Variants in POF1B observed in about 807,000 individuals in gnomAD.
POF1B encodes protein POF1B.
Under a neutral mutation model 55.3 loss-of-function variants are expected in POF1B, and 53 were observed. The ratio of observed to expected loss-of-function variants is 0.96; its 90% CI spans 0.77 to 1.20. The LOEUF is 1.20. Among genes scored for constraint, POF1B ranks in the 50% most tolerant of loss-of-function variants. The pLI is 0.00. For missense variants in POF1B, 478 were observed against 420.5 expected (o/e 1.14, Z -1.20); for synonymous variants, 188 against 148.3 (o/e 1.27, Z -1.95).
chrX:85,300,224 G>A (rs932350276), intron 15 of POF1B, among the ~76,000 whole-genome samples: 4 of 111,573 alleles, frequency 3.6e-5, no homozygotes, highest in African/African-American at 6.5e-5. Context: ...AAGGCTGTAC[G>A]CATGTGAAGG....
chrX:85,366,472 T>C (rs1933724906), intron 3 of POF1B, among the ~76,000 whole-genome samples: 1 of 111,692 alleles, frequency 9.0e-6, no homozygotes, highest in Admixed American at 9.5e-5. Context: ...TTTTTAATAG[T>C]TCTAAAATTT....
chrX:85,358,790 A>G (rs886679600), intron 4 of POF1B, among the ~76,000 whole-genome samples: 2 of 111,219 alleles, frequency 1.8e-5, no homozygotes, highest in Admixed American at 9.6e-5. Flanking sequence ...TTGTAATTAA[A>G]CTAGAATCTT....
At chrX:85,309,220 T>C (rs189430578) in intron 9 of POF1B, among the ~76,000 whole-genome samples, 40 of 109,727 alleles carry the variant, frequency 3.6e-4, no homozygotes, top group African/African-American at 1.3e-3. Context: ...GTACACCAAG[T>C]TACCAATGGG....
At chrX:85,290,747 T>C (rs1479933155) in intron 15 of POF1B, among the ~76,000 whole-genome samples, 1 of 112,228 alleles carries the variant, frequency 8.9e-6, no homozygotes. Flanking sequence ...TGCTTGTATG[T>C]CTTCATTTGA....
chrX:85,369,200 A>G (rs1347185504), intron 2 of POF1B, among the ~76,000 whole-genome samples: 1 of 111,729 alleles, frequency 9.0e-6, no homozygotes, highest in East Asian at 2.8e-4. Context: ...AATAATTGAG[A>G]AGACTTGCTC....
rs1932766087 is a variant in POF1B at position 85,314,514 on chromosome X, A to T, written c.883-8T>A. On this transcript the variant is annotated splice_region_variant and splice_polypyrimidine_tract_variant and intron_variant, in intron 8 of 16. Coordinates refer to ENST00000262753, the MANE Select transcript of POF1B (RefSeq NM_024921.4). ...TGATTCAATGTCTTCCGACTGTAAG[A>T]AAAAAAGGCTTATCCATGGAACAGA... 8.6e-7 allele frequency: 1 copy of T among 1,166,559 alleles called. No individual in the cohort carries two copies. The highest frequency in any genetic ancestry group is 3.1e-5 in the East Asian group (1 of 32,342).
At chrX:85,347,503 C>T (rs1933295936) in intron 5 of POF1B, among the ~76,000 whole-genome samples, 1 of 110,852 alleles carries the variant, frequency 9.0e-6, no homozygotes, top group South Asian at 3.7e-4. Flanking sequence ...AGAGTAGCTG[C>T]TTCTGGGAAG....
At chrX:85,314,577 T>A in intron 8 of POF1B, 71 bp from the exon 9 acceptor site, 1 of 722,308 alleles carries the variant, frequency 1.4e-6, no homozygotes, top group Non-Finnish European at 2.0e-6. Flanking sequence ...CACAGACTTT[T>A]GTGTAATGGG....
intron 10 of POF1B, among the ~76,000 whole-genome samples, chrX:85,307,738 A>AT (rs1176898047): frequency 3.6e-5 from 4 of 111,814 alleles, no homozygotes; most frequent in Admixed American, 2.9e-4. Flanking sequence ...AAAAAAATTA[A>AT]TTTTTTGGAG....
chrX:85,297,498 T>C (rs1419253921), intron 15 of POF1B, among the ~76,000 whole-genome samples: 1 of 112,293 alleles, frequency 8.9e-6, no homozygotes, highest in African/African-American at 3.2e-5. Flanking sequence ...AGGCTCTGTA[T>C]GGGATCTTTA....
intron 2 of POF1B, among the ~76,000 whole-genome samples, chrX:85,377,239 T>G (rs1933937742): frequency 9.0e-6 from 1 of 111,659 alleles, no homozygotes; most frequent in Non-Finnish European, 1.9e-5. Context: ...AGATCAAATC[T>G]AGGTCCTACT....
chrX:85,365,526 ATTG>A (rs1465034473), intron 3 of POF1B, among the ~76,000 whole-genome samples: 2 of 111,542 alleles, frequency 1.8e-5, no homozygotes, highest in South Asian at 3.8e-4. Context: ...TTAGTGAGGT[ATTG>A]TTGTTGAAGC....
At chrX:85,290,108 G>A (rs931288494) in intron 15 of POF1B, among the ~76,000 whole-genome samples, 10 of 110,684 alleles carry the variant, frequency 9.0e-5, no homozygotes, top group African/African-American at 3.0e-4. Flanking sequence ...CTTGCCTGCC[G>A]CCATCTCTCC....
chrX:85,284,103 G>C (rs1196134336), intron 15 of POF1B, among the ~76,000 whole-genome samples: 2 of 110,920 alleles, frequency 1.8e-5, no homozygotes, highest in Non-Finnish European at 3.8e-5. Flanking sequence ...ACTTACAAGA[G>C]ATGTGAAGGA....
intron 6 of POF1B, among the ~76,000 whole-genome samples, chrX:85,331,705 T>A (rs770037364): frequency 1.8e-5 from 2 of 111,146 alleles, no homozygotes; most frequent in African/African-American, 6.5e-5. Flanking sequence ...TAGTGGTAGT[T>A]TTGGATTTGT....
intron 7 of POF1B, among the ~76,000 whole-genome samples, chrX:85,329,542 A>G (rs1291553034): frequency 1.8e-5 from 2 of 110,707 alleles, no homozygotes; most frequent in Non-Finnish European, 3.8e-5. Context: ...CACACTATGC[A>G]CCAAGGACAT....
intron 3 of POF1B, among the ~76,000 whole-genome samples, chrX:85,360,570 C>CACACACT (rs1933598188): frequency 1.3e-5 from 1 of 78,044 alleles, no homozygotes; most frequent in African/African-American, 8.6e-5. Context: ...CATATATACA[C>CACACACT]ATTTTCTTTA....
At chrX:85,306,133 A>G (rs1207266224) in intron 12 of POF1B, 48 bp downstream of exon 12, 1 of 1,092,381 alleles carries the variant, frequency 9.2e-7, no homozygotes, top group Admixed American at 2.5e-5. Context: ...TAGGATTACA[A>G]TGATGTAACT....
intron 6 of POF1B, among the ~76,000 whole-genome samples, chrX:85,344,643 T>C (rs1292493263): frequency 9.0e-6 from 1 of 111,687 alleles, no homozygotes; most frequent in Non-Finnish European, 1.9e-5. Flanking sequence ...ATAAAATGGC[T>C]CTTTTATGGT....
Sources: allele counts gnomAD v4.1 joint callset (sites outside exome capture counted in the v4.1 genomes callset), GRCh38; gene constraint gnomAD v4.1.1; transcripts MANE v1.5; gene names NCBI Gene and HGNC (gene_info 2026-07-23, HGNC 2026-07-21).